TMEM256: variants seen among roughly 807,000 people sequenced by gnomAD.
TMEM256 encodes the protein transmembrane protein 256, also known as UPF0451 protein C17orf61.
TMEM256 carries 14 observed loss-of-function variants against 14.8 expected under a neutral mutation model. The observed-to-expected ratio is 0.95, with a 90% CI of 0.63 to 1.48. The LOEUF is 1.48. Ranked by LOEUF, TMEM256 falls within the 40% of genes most tolerant of loss-of-function variation. The pLI, the probability that TMEM256 is intolerant of heterozygous loss-of-function variation, is 0.00. For synonymous variants in TMEM256, 68 were observed against 60.7 expected (o/e 1.12, Z -0.56); for missense variants, 146 against 137.9 (o/e 1.06, Z -0.30).
intron 1 of TMEM256, 95 bp from the exon 2 acceptor site, chr17:7,403,784 A>ACCCCCCCC (rs56134360): frequency 1.5e-4 from 156 of 1,030,730 alleles, no homozygotes; most frequent in African/African-American, 9.2e-4. Context: ...GAGAAAGGGC[A>ACCCCCCCC]CCCCCCCCCC....
chr17:7,403,888 C>T (rs1164836824), intron 1 of TMEM256, 112 bp downstream of exon 1: 24 of 1,350,064 alleles, frequency 1.8e-5, no homozygotes, highest in Admixed American at 2.6e-5. Context: ...TTTAGGGCTC[C>T]GCGGACTGTC....
In TMEM256 at chr17:7,403,310, C is replaced by A. The variant is rs1274178530; in HGVS notation, c.198G>T (p.Trp66Cys). The A allele has an allele frequency of 6.2e-7, 1 of 1,614,026 alleles. No homozygotes were observed. The highest frequency in any genetic ancestry group is 1.7e-5 in the Admixed American group (1 of 60,002). Residue 66 changes from tryptophan (W) to cysteine (C), a missense_variant and splice_region_variant, in exon 3 of 4, where the codon TGG becomes TGT. Physicochemically the swap from Trp to Cys is radical, Grantham distance 215. Transcript: ENST00000302422. ...AGGGTTAGGCGCAGGGAAAGATTAC[C>A]CAGAGTGGCTTTCTGCAATGGGGCA... ...LGVPHCRKPL[W>C]AGLLLASGTT...
rs755982737 is a variant in TMEM256 at position 7,404,038 on chromosome 17, C to T, written c.47G>A (p.Gly16Glu). The stretch of plus-strand genomic sequence containing the variant: ...GGAAGCGAAGCCTAAGGCCGCAGCT[C>T]CGGACAAGGCGCCCAAGCGGCGGAA... ...AAFRRLGALS[G>E]AAALGFASYG... The change falls in exon 1 of 4, where the codon GGA becomes GAA. Residue 16 changes from glycine (G) to glutamate (E), a missense_variant. Transcript: ENST00000302422. The T allele has an allele frequency of 6.2e-7, 1 of 1,602,368 alleles. No homozygotes were observed. The highest frequency in any genetic ancestry group is 8.5e-7 in the Non-Finnish European group (1 of 1,174,668).
intron 1 of TMEM256, 104 bp downstream of exon 1, chr17:7,403,896 G>GTCTA: frequency 1.5e-6 from 2 of 1,369,156 alleles, no homozygotes; most frequent in Non-Finnish European, 2.0e-6. Context: ...TCCGCGGACT[G>GTCTA]TCTGATAAAC....
intron 1 of TMEM256, 134 bp from the exon 2 acceptor site, chr17:7,403,823 A>C (rs1906458308): frequency 2.8e-6 from 3 of 1,077,264 alleles, no homozygotes; most frequent in Non-Finnish European, 3.8e-6. Context: ...ATTGGTGGGA[A>C]CACGCTCGGG....
chr17:7,403,230 A>G (rs112244220), intron 3 of TMEM256, 21 bp from the exon 4 acceptor site: 4 of 1,614,078 alleles, frequency 2.5e-6, no homozygotes, highest in Non-Finnish European at 3.4e-6. Context: ...CACAGCACAG[A>G]AAACAGGATT....
chr17:7,403,967 G>A (rs1160753833), intron 1 of TMEM256, 33 bp downstream of exon 1: 2 of 1,544,012 alleles, frequency 1.3e-6, no homozygotes, highest in East Asian at 2.4e-5. Context: ...GACGCCCCAA[G>A]TACAGTCCCA....
chr17:7,403,935 G>T, intron 1 of TMEM256, 65 bp downstream of exon 1: 1 of 1,475,534 alleles, frequency 6.8e-7, no homozygotes, highest in Non-Finnish European at 9.1e-7. Flanking sequence ...CATAGGTTAC[G>T]CCCTTGCAGC....
chr17:7,403,779 A>AGGGGGGGGGGGGGGGGGGGG, intron 1 of TMEM256, 90 bp from the exon 2 acceptor site: 1 of 1,306,708 alleles, frequency 7.7e-7, no homozygotes. Flanking sequence ...TTGGCGAGAA[A>AGGGGGGGGGGGGGGGGGGGG]GGGCACCCCC....
intron 1 of TMEM256, 103 bp from the exon 2 acceptor site, chr17:7,403,792 C>T (rs1486686190): frequency 3.8e-6 from 4 of 1,056,594 alleles, no homozygotes; most frequent in Non-Finnish European, 5.2e-6. Context: ...GCACCCCCCC[C>T]CCCGCCCCAG....
chr17:7,403,942 C>A, intron 1 of TMEM256, 58 bp downstream of exon 1: 1 of 1,492,032 alleles, frequency 6.7e-7, no homozygotes, highest in Non-Finnish European at 9.0e-7. Flanking sequence ...TACGCCCTTG[C>A]AGCAGACCCC....
In TMEM256 at chr17:7,403,136, G is replaced by T; in HGVS notation, c.272C>A (p.Pro91His). The T allele has an allele frequency of 1.2e-6, 2 of 1,614,198 alleles. No homozygotes were observed. The highest frequency in any genetic ancestry group is 8.5e-7 in the Non-Finnish European group (1 of 1,180,028). ...CGCAGGGGCCAAAGTCTGGATGCTG[G>T]GGTCTCCACTCAGAGCCTGGTAGTA... ...SFYYQALSGDPSIQTLAPAGG... is the reference protein window; with the variant it reads ...SFYYQALSGDHSIQTLAPAGG... Residue 91 changes from proline (P) to histidine (H), a missense_variant, in exon 4 of 4, where the codon CCC becomes CAC. Coordinates refer to ENST00000302422, the MANE Select transcript of TMEM256 (RefSeq NM_152766.5).
chr17:7,403,657 C>G lies in TMEM256; in HGVS notation c.117+1G>C. On this transcript the variant is annotated splice_donor_variant, in intron 2 of 3. Transcript: ENST00000302422. LOFTEE classifies it high-confidence loss of function. ...AGGGAGCCCCAGCGCAGTTACTTCA[C>G]CTCCTTCCCGTAGGCATCTGGGAAT... The G allele has an allele frequency of 6.2e-7, 1 of 1,614,042 alleles. No homozygotes were observed. Among genetic ancestry groups the G allele is most frequent in the Non-Finnish European group, 8.5e-7 (1 of 1,180,006 alleles).
chr17:7,403,861 T>C (rs1215590956), intron 1 of TMEM256, 139 bp downstream of exon 1: 16 of 1,211,022 alleles, frequency 1.3e-5, no homozygotes, highest in Non-Finnish European at 1.8e-5. Context: ...TGGACCCAGC[T>C]GGGGGACTTT....
chr17:7,404,095 C>T lies in TMEM256; in HGVS notation c.-11G>A. ...AGCTGGCCCGGCCATAGCTGTAGAA[C>T]AGGACGCACCGGACCAACGCCGCCC... On this transcript the variant is annotated 5_prime_UTR_variant, in exon 1 of 4. Coordinates refer to ENST00000302422, the MANE Select transcript of TMEM256 (RefSeq NM_152766.5). 1 of 1,556,886 alleles carries T rather than the reference C, an allele frequency of 6.4e-7. No homozygotes were observed.
Position 7,403,063 on chromosome 17 carries a change from A to C in TMEM256, c.*3T>G. 1 of 1,595,954 alleles carries C rather than the reference A, an allele frequency of 6.3e-7. No individual in the cohort carries two copies. Among genetic ancestry groups the C allele is most frequent in the Non-Finnish European group, 8.5e-7 (1 of 1,174,786 alleles). On this transcript the variant is annotated 3_prime_UTR_variant, in exon 4 of 4. Coordinates refer to ENST00000302422, the MANE Select transcript of TMEM256 (RefSeq NM_152766.5). Reference sequence around the variant, plus strand: ...AAAACCCAGTAATTAAGCAAAAGGGAGCTCAAAGAGCCAAGGCAAGCCAGC... The same window carrying C: ...AAAACCCAGTAATTAAGCAAAAGGGCGCTCAAAGAGCCAAGGCAAGCCAGC...
At position 7,403,340 on chromosome 17, in the gene TMEM256, T is replaced by C. The variant is rs1484324830; in HGVS notation, c.168A>G (p.Leu56=). 5.0e-6 allele frequency: 8 copies of C among 1,614,050 alleles called. No individual in the cohort carries two copies. The Admixed American group carries it at 1.3e-4, about 27-fold the overall frequency. Residue 56 remains leucine, a synonymous_variant, in exon 3 of 4, where the codon TTA becomes TTG. Transcript: ENST00000302422. ...GTGGCTTTCTGCAATGGGGCACCCCTAACAGGGCCAGGCTGTGTAAGAAGT... is the reference window on the plus strand; with the variant it reads ...GTGGCTTTCTGCAATGGGGCACCCCCAACAGGGCCAGGCTGTGTAAGAAGT... ...KHHFLHSLAL[L]GVPHCRKPLW... is the part of the protein sequence containing the mutation.
Position 7,404,000 on chromosome 17 carries a change from C to A in TMEM256, c.85G>T (p.Gly29Cys). 1 of 1,589,630 alleles carries A rather than the reference C, an allele frequency of 6.3e-7. No individual in the cohort carries two copies. Among genetic ancestry groups the A allele is most frequent in the Admixed American group, 1.8e-5 (1 of 56,744 alleles). Residue 29 changes from glycine to cysteine, a missense_variant and splice_region_variant, in exon 1 of 4, where the codon GGC becomes TGC. Physicochemically the swap from Gly to Cys is radical, Grantham distance 159. Transcript: ENST00000302422. ...CCATCTTCGTCCCCAGCCCCCTGAC[C>A]GTGCGCCCCGTAGGAAGCGAAGCCT... is the stretch of plus-strand genomic sequence containing the variant. Reference protein sequence around the residue: ...ALGFASYGAHGAQFPDAYGKE... With the variant: ...ALGFASYGAHCAQFPDAYGKE...
Position 7,403,478 on chromosome 17 carries a change from C to T in TMEM256, c.118-88G>A, listed in dbSNP as rs960649027. ...ACACAAGGGACCAAAGTTCCTTCCC[C>T]CACCCCACCCTTGAAGTCCCAGCTT... On this transcript the variant is annotated intron_variant, in intron 2 of 3. Coordinates refer to ENST00000302422, the MANE Select transcript of TMEM256 (RefSeq NM_152766.5). The T allele has an allele frequency of 4.0e-6, 6 of 1,499,544 alleles. No individual in the cohort carries two copies. The Admixed American group carries it at 5.0e-5, about 13-fold the overall frequency. The allele number at this position is 1,499,544 out of a possible 1,614,324, so 92.9% of individuals were successfully genotyped here.
Sources: gnomAD v4.1 joint callset for allele counts on GRCh38, gnomAD v4.1.1 for gene constraint, MANE v1.5 for transcripts, NCBI Gene and HGNC (gene_info 2026-07-23, HGNC 2026-07-21) for gene names.